Variants in KIF17 observed in about 807,000 individuals in gnomAD.
KIF17 encodes kinesin-like protein KIF17.
A neutral mutation model predicts 96.8 loss-of-function variants in KIF17; 80 were observed. That is an observed-to-expected ratio of 0.83 (90% CI 0.69 to 1.00). KIF17 has a LOEUF of 1.00. Among genes scored for constraint, KIF17 ranks in the 50% least tolerant of loss-of-function variants. The probability of loss-of-function intolerance (pLI) is 0.00; values close to 1 mark genes in which losing one functional copy is unlikely to be tolerated. For missense variants in KIF17, 1,280 were observed against 1,372.9 expected, an observed-to-expected ratio of 0.93 and a Z score of 1.07; for synonymous variants, 567 against 587.5, an observed-to-expected ratio of 0.97 and a Z score of 0.51.
chr1:20,687,152 G>A lies in KIF17; in HGVS notation c.1938+236C>T, dbSNP rs1309034868. On this transcript the variant is annotated intron_variant, in intron 8 of 14. Transcript: ENST00000400463. The surrounding 1 kb of genome is among the most constrained non-coding windows in gnomAD (Gnocchi z 4.4). ...CCCACCTGGCATAACCTTGCATCGC[G>A]ACCCCAACTTTCTTATTGAATTACA... 6.6e-6 allele frequency among the ~76,000 whole-genome samples: 1 copy of A among 152,144 alleles called. No individual in the cohort carries two copies. Among genetic ancestry groups the A allele is most frequent in the Non-Finnish European group, 1.5e-5 (1 of 68,032 alleles).
chr1:20,707,153 G>A (rs980565848), intron 4 of KIF17, among the ~76,000 whole-genome samples: 3 of 152,176 alleles, frequency 2.0e-5, no homozygotes, highest in African/African-American at 4.8e-5. Flanking sequence ...TTTGCAGAAC[G>A]GACCAGAAGC....
In KIF17 at chr1:20,698,378, C is replaced by A; in HGVS notation, c.1233+1G>T. On this transcript the variant is annotated splice_donor_variant, in intron 6 of 14. Coordinates refer to ENST00000400463, the MANE Select transcript of KIF17 (RefSeq NM_001122819.3). LOFTEE classifies it high-confidence loss of function. ...CATGTTCCCACCCGCTTGGGTCTCA[C>A]CTCCCGGATCAGCTGCTTCTCGGCC... The A allele has an allele frequency of 1.2e-6, 2 of 1,611,768 alleles. No homozygotes were observed. The highest frequency in any genetic ancestry group is 1.7e-6 in the Non-Finnish European group (2 of 1,178,118).
Position 20,687,840 on chromosome 1 carries a change from C to T in KIF17, c.1486G>A (p.Val496Met), listed in dbSNP as rs1350815390. Residue 496 changes from valine to methionine, a missense_variant, in exon 8 of 15, where the codon GTG becomes ATG. Transcript: ENST00000400463. This position sits in a 1 kb window ranked among gnomAD's most constrained non-coding sequence, Gnocchi z 4.4. ...GTCGTGGAGAAGACCTTGGGTTTCACCACTGTCTCATACTGAAAAGCAGGC... is the reference window on the plus strand; with the variant it reads ...GTCGTGGAGAAGACCTTGGGTTTCATCACTGTCTCATACTGAAAAGCAGGC... ...YPPAFQYETV[V>M]KPKVFSTTDT... 6.2e-7 allele frequency: 1 copy of T among 1,614,174 alleles called. No individual in the cohort carries two copies.
At chr1:20,681,159 A>G (rs1240991287) in intron 11 of KIF17, among the ~76,000 whole-genome samples, 1 of 138,948 alleles carries the variant, frequency 7.2e-6, no homozygotes, top group East Asian at 2.3e-4. Flanking sequence ...ATAAAAAACT[A>G]AAGAGGTTAA....
intron 8 of KIF17, 84 bp from the exon 9 acceptor site, chr1:20,686,210 C>G: frequency 2.5e-6 from 3 of 1,191,050 alleles, no homozygotes; most frequent in Non-Finnish European, 3.7e-6. Flanking sequence ...GGCCTCACTT[C>G]AACTCCCCAA....
chr1:20,669,309 G>A (rs1456388408), intron 13 of KIF17, among the ~76,000 whole-genome samples: 2 of 151,852 alleles, frequency 1.3e-5, no homozygotes, highest in Non-Finnish European at 2.9e-5. Flanking sequence ...AGGCTGAAGC[G>A]GGCAGATCAC....
chr1:20,682,948 A>G lies in KIF17; in HGVS notation c.2232-64T>C, dbSNP rs931893852. On this transcript the variant is annotated intron_variant, in intron 10 of 14. Transcript: ENST00000400463. Reference sequence around the variant, plus strand: ...GCCCATCACCGAGCACGTGCCATCCAGCAGGCTCCAGGCTATGCGTGGGCC... The same window carrying G: ...GCCCATCACCGAGCACGTGCCATCCGGCAGGCTCCAGGCTATGCGTGGGCC... 2.8e-6 allele frequency: 4 copies of G among 1,440,212 alleles called. No individual in the cohort carries two copies. The African/African-American group carries it at 4.2e-5, about 15-fold the overall frequency. The allele number at this position is 1,440,212 out of a possible 1,614,324, so 89.2% of individuals were successfully genotyped here. A position where few individuals can be genotyped will look rare whatever the true frequency, so the allele number is the denominator to read the frequency against.
chr1:20,709,613 C>A lies in KIF17; in HGVS notation c.670+26G>T, dbSNP rs891229675. The A allele has an allele frequency of 6.8e-6, 11 of 1,613,350 alleles. No homozygotes were observed. The highest frequency in any genetic ancestry group is 5.3e-5 in the African/African-American group (4 of 74,908). ...GGGAGTGGCTGGGTCATCTGTCCCC[C>A]TGCCCCCAACAATGGCCTCGCATAC... On this transcript the variant is annotated intron_variant, in intron 4 of 14. Coordinates refer to ENST00000400463, the MANE Select transcript of KIF17 (RefSeq NM_001122819.3). This position sits in a 1 kb window ranked among gnomAD's most constrained non-coding sequence, Gnocchi z 4.7.
Position 20,690,352 on chromosome 1 carries a change from G to GCTGCCC in KIF17, c.1234-18_1234-17insGGGCAG. 2.2e-6 allele frequency: 1 copy of GCTGCCC among 451,172 alleles called. No individual in the cohort carries two copies. Among genetic ancestry groups the GCTGCCC allele is most frequent in the Non-Finnish European group, 4.3e-6 (1 of 235,152 alleles). The allele number at this position is 451,172 out of a possible 1,614,324, so 27.9% of individuals were successfully genotyped here. A position where few individuals can be genotyped will look rare whatever the true frequency, so the allele number is the denominator to read the frequency against. On this transcript the variant is annotated splice_polypyrimidine_tract_variant and intron_variant, in intron 6 of 14. Transcript: ENST00000400463. Reference sequence around the variant, plus strand: ...TTCATACTCCTGGGGGGGTGGGAGGGACCAGAGGGCAGGCAGCATTTTATC... The same window carrying GCTGCCC: ...TTCATACTCCTGGGGGGGTGGGAGGGCTGCCCACCAGAGGGCAGGCAGCATTTTATC...
intron 11 of KIF17, among the ~76,000 whole-genome samples, chr1:20,678,588 A>C (rs541174746): frequency 1.3e-5 from 2 of 152,182 alleles, no homozygotes; most frequent in Admixed American, 6.6e-5. Flanking sequence ...GAACGCTGGA[A>C]CCTTTGAATT....
Position 20,685,066 on chromosome 1 carries a change from A to G in KIF17, c.2020-46T>C. 6.8e-7 allele frequency: 1 copy of G among 1,472,384 alleles called. No individual in the cohort carries two copies. Among genetic ancestry groups the G allele is most frequent in the Non-Finnish European group, 9.3e-7 (1 of 1,075,440 alleles). The allele number at this position is 1,472,384 out of a possible 1,614,324, so 91.2% of individuals were successfully genotyped here. A position where few individuals can be genotyped will look rare whatever the true frequency, so the allele number is the denominator to read the frequency against. Reference sequence around the variant, plus strand: ...AGGTGGAGGTGGGAAGGCCGCCCCAACCCCCGCCGACAGCTCCCAGGTGGC... The same window carrying G: ...AGGTGGAGGTGGGAAGGCCGCCCCAGCCCCCGCCGACAGCTCCCAGGTGGC... On this transcript the variant is annotated intron_variant, in intron 9 of 14. Coordinates refer to ENST00000400463, the MANE Select transcript of KIF17 (RefSeq NM_001122819.3). The surrounding 1 kb of genome is among the most constrained non-coding windows in gnomAD (Gnocchi z 4.1).
At position 20,717,604 on chromosome 1, in the gene KIF17, C is replaced by A. The variant is rs1426654302; in HGVS notation, c.103G>T (p.Ala35Ser). Residue 35 changes from alanine (A) to serine (S), a missense_variant, in exon 1 of 15, where the codon GCC (alanine) becomes TCC (serine). Physicochemically the swap from Ala to Ser is moderately conservative, Grantham distance 99. Transcript: ENST00000400463. ...CCCGGGTTCTGGATGCAGCACTGGGCGCGCGCGCAGTCCACAGTCACCACG... is the reference window on the plus strand; with the variant it reads ...CCCGGGTTCTGGATGCAGCACTGGGAGCGCGCGCAGTCCACAGTCACCACG... ...QPVVTVDCAR[A>S]QCCIQNPGAA... The A allele has an allele frequency of 1.2e-6, 2 of 1,610,516 alleles. No homozygotes were observed. The highest frequency in any genetic ancestry group is 2.7e-5 in the African/African-American group (2 of 75,012).
intron 2 of KIF17, among the ~76,000 whole-genome samples, chr1:20,714,097 G>A (rs780857432): frequency 2.0e-5 from 3 of 152,040 alleles, no homozygotes; most frequent in African/African-American, 4.8e-5. Flanking sequence ...GGAGGCCAAG[G>A]CAGGCACATC....
rs1209834077 is a variant in KIF17 at position 20,700,646 on chromosome 1, C to T, written c.1124-2158G>A. On this transcript the variant is annotated intron_variant, in intron 5 of 14. Transcript: ENST00000400463. This position sits in a 1 kb window ranked among gnomAD's most constrained non-coding sequence, Gnocchi z 4.6. The stretch of plus-strand genomic sequence containing the variant: ...TATAGTATGTTTTACTTCTTTTCTA[C>T]ATTGCTTTATGTTCTATTATCTTGA... Among the ~76,000 whole-genome samples the T allele has an allele frequency of 1.3e-5, 2 of 152,210 alleles. No individual in the cohort carries two copies. The highest frequency in any genetic ancestry group is 3.8e-4 in the East Asian group (2 of 5,202).
chr1:20,695,065 C>T (rs2054109991), intron 6 of KIF17, among the ~76,000 whole-genome samples: 1 of 152,134 alleles, frequency 6.6e-6, no homozygotes, highest in South Asian at 2.1e-4. Context: ...CATACACATG[C>T]ACCCACAGAC....
intron 4 of KIF17, among the ~76,000 whole-genome samples, chr1:20,708,883 A>T (rs751956112): frequency 1.5e-4 from 23 of 152,170 alleles, no homozygotes; most frequent in Non-Finnish European, 2.8e-4. Flanking sequence ...AATAATAATG[A>T]GATGACTGAG....
chr1:20,716,191 G>A (rs1003909086), intron 1 of KIF17, among the ~76,000 whole-genome samples: 2 of 150,342 alleles, frequency 1.3e-5, no homozygotes, highest in Non-Finnish European at 2.9e-5. Context: ...GCAGTGAGCC[G>A]AGGTCGTGCC....
intron 4 of KIF17, among the ~76,000 whole-genome samples, chr1:20,706,383 G>A (rs2054341021): frequency 6.6e-6 from 1 of 151,778 alleles, no homozygotes; most frequent in African/African-American, 2.4e-5. Flanking sequence ...CTGAGGTCAG[G>A]AGTTCAAGAC....
intron 2 of KIF17, 21 bp downstream of exon 2, chr1:20,715,472 T>C (rs1461800703): frequency 3.7e-6 from 6 of 1,609,694 alleles, no homozygotes; most frequent in Non-Finnish European, 5.1e-6. Flanking sequence ...GCCCTGCCCC[T>C]TCCCTCTGCG....
Sources: allele counts gnomAD v4.1 joint callset (sites outside exome capture counted in the v4.1 genomes callset), GRCh38; gene constraint gnomAD v4.1.1; non-coding constraint Gnocchi (gnomAD v3.1); transcripts MANE v1.5; gene names NCBI Gene and HGNC (gene_info 2026-07-23, HGNC 2026-07-21).